The following NET1 variants were observed in gnomAD, a reference collection of about 807,000 sequenced individuals.
NET1 encodes neuroepithelial cell-transforming gene 1 protein.
NET1 carries 42 observed loss-of-function variants against 61.1 expected under a neutral mutation model. The observed-to-expected ratio is 0.69, with a 90% CI of 0.54 to 0.89. The LOEUF is 0.89. NET1 is among the 40% of genes least tolerant of loss of function. The pLI, the probability that NET1 is intolerant of heterozygous loss-of-function variation, is 0.00. For missense variants in NET1, 654 were observed against 747.3 expected (o/e 0.88, Z 1.46); for synonymous variants, 254 against 281.8 (o/e 0.90, Z 0.99).
chr10:5,429,162 T>C lies in NET1; in HGVS notation c.196-8T>C. Reference sequence around the variant, plus strand: ...TATATGAGAATGAAATCTCTATTTTTCTTTTAGAAAAGAAAACGCAGAGAG... The same window carrying C: ...TATATGAGAATGAAATCTCTATTTTCCTTTTAGAAAAGAAAACGCAGAGAG... On this transcript the variant is annotated splice_region_variant and splice_polypyrimidine_tract_variant and intron_variant, in intron 2 of 11. Coordinates refer to ENST00000355029, the MANE Select transcript of NET1 (RefSeq NM_001047160.3). 6.3e-7 allele frequency: 1 copy of C among 1,598,820 alleles called. No homozygotes were observed. Among genetic ancestry groups the C allele is most frequent in the Non-Finnish European group, 8.6e-7 (1 of 1,168,626 alleles).
intron 1 of NET1, among the ~76,000 whole-genome samples, chr10:5,425,345 G>C (rs1345315533): frequency 6.6e-6 from 1 of 152,110 alleles, no homozygotes; most frequent in Non-Finnish European, 1.5e-5. Flanking sequence ...GTTTAAGCTT[G>C]TACATTTTTG....
At position 5,452,209 on chromosome 10, in the gene NET1, G is replaced by T; in HGVS notation, c.364-149G>T. The T allele has an allele frequency of 5.4e-6, 4 of 745,820 alleles. No homozygotes were observed. The highest frequency in any genetic ancestry group is 2.8e-5 in the South Asian group (1 of 35,362). 46.2% of individuals were successfully genotyped at this position (745,820 alleles called of 1,614,324 possible). ...TTTTAGCTGATAAATATTTAAGATT[G>T]GTAGGTGGAAACTTGGATAAATTAT... is the stretch of plus-strand genomic sequence containing the variant. On this transcript the variant is annotated intron_variant, in intron 4 of 11. Transcript: ENST00000355029. The surrounding 1 kb of genome is among the most constrained non-coding windows in gnomAD (Gnocchi z 4.0).
Position 5,456,575 on chromosome 10 carries a change from T to C in NET1, c.1385-13T>C, listed in dbSNP as rs759134085. The C allele has an allele frequency of 1.5e-4, 214 of 1,430,212 alleles. 1 individual carries two copies. Among genetic ancestry groups the C allele is most frequent in the Non-Finnish European group, 9.9e-5 (106 of 1,069,260 alleles). The allele number at this position is 1,430,212 out of a possible 1,614,324, so 88.6% of individuals were successfully genotyped here. A position where few individuals can be genotyped will look rare whatever the true frequency, so the allele number is the denominator to read the frequency against. Reference sequence around the variant, plus strand: ...AGCCTGATTTCTTTTTTTTTTCCAATTTTTTTTTTCAGCTAAAAATATCTT... The same window carrying C: ...AGCCTGATTTCTTTTTTTTTTCCAACTTTTTTTTTCAGCTAAAAATATCTT... On this transcript the variant is annotated splice_polypyrimidine_tract_variant and intron_variant, in intron 11 of 11. Transcript: ENST00000355029. This position sits in a 1 kb window ranked among gnomAD's most constrained non-coding sequence, Gnocchi z 7.0.
chr10:5,445,155 C>A (rs1832586053), intron 3 of NET1, among the ~76,000 whole-genome samples: 1 of 152,216 alleles, frequency 6.6e-6, no homozygotes, highest in Non-Finnish European at 1.5e-5. Flanking sequence ...TCCATCTGTT[C>A]CATCTTTACG....
rs991976469 is a variant in NET1 at position 5,452,965 on chromosome 10, A to G, written c.594+45A>G. On this transcript the variant is annotated intron_variant, in intron 6 of 11. Coordinates refer to ENST00000355029, the MANE Select transcript of NET1 (RefSeq NM_001047160.3). The surrounding 1 kb of genome is among the most constrained non-coding windows in gnomAD (Gnocchi z 4.0). Reference sequence around the variant, plus strand: ...TCAGATGCCCTAGTTTTTAAAAATTACATTTCACAAAATCTAAAGGATAGT... The same window carrying G: ...TCAGATGCCCTAGTTTTTAAAAATTGCATTTCACAAAATCTAAAGGATAGT... 10 of 1,255,682 alleles carry G rather than the reference A, an allele frequency of 8.0e-6. No individual in the cohort carries two copies. The Admixed American group carries it at 1.6e-4, about 20-fold the overall frequency. The allele number at this position is 1,255,682 out of a possible 1,614,324, so 77.8% of individuals were successfully genotyped here. A position where few individuals can be genotyped will look rare whatever the true frequency, so the allele number is the denominator to read the frequency against.
chr10:5,450,044 C>T (rs1832679595), intron 3 of NET1, among the ~76,000 whole-genome samples: 1 of 140,370 alleles, frequency 7.1e-6, no homozygotes, highest in South Asian at 2.2e-4. Context: ...AATGCCTGTG[C>T]TGGCCCCTGC....
chr10:5,446,628 C>G lies in NET1; in HGVS notation c.256-5202C>G. The G allele has an allele frequency of 7.9e-7, 1 of 1,270,272 alleles. No individual in the cohort carries two copies. Among genetic ancestry groups the G allele is most frequent in the Non-Finnish European group, 1.0e-6 (1 of 1,004,372 alleles). The allele number at this position is 1,270,272 out of a possible 1,614,324, so 78.7% of individuals were successfully genotyped here. Reference sequence around the variant, plus strand: ...GCTCTCAGAAGCCTCTGCTCCACCGCGGCGAGAGGCATGGGCACGTGGCTG... The same window carrying G: ...GCTCTCAGAAGCCTCTGCTCCACCGGGGCGAGAGGCATGGGCACGTGGCTG... On this transcript the variant is annotated intron_variant, in intron 3 of 11. Transcript: ENST00000355029. This position sits in a 1 kb window ranked among gnomAD's most constrained non-coding sequence, Gnocchi z 5.0.
rs2119181005 is a variant in NET1, at chr10:5,431,374, T to G, written c.255+2145T>G. 6.6e-6 allele frequency among the ~76,000 whole-genome samples: 1 copy of G among 152,344 alleles called. No individual in the cohort carries two copies. The highest frequency in any genetic ancestry group is 2.1e-4 in the South Asian group (1 of 4,824). ...TTTCTGACAAGTTGGTAATTAGATC[T>G]AGAGAGCTGATCCAGTGTGGGTTTT... is the stretch of plus-strand genomic sequence containing the variant. On this transcript the variant is annotated intron_variant, in intron 3 of 11. Coordinates refer to ENST00000355029, the MANE Select transcript of NET1 (RefSeq NM_001047160.3). The surrounding 1 kb of genome is among the most constrained non-coding windows in gnomAD (Gnocchi z 4.9).
chr10:5,442,528 T>C (rs185230792), intron 3 of NET1, among the ~76,000 whole-genome samples: 302 of 152,292 alleles, frequency 2.0e-3, no homozygotes, highest in Non-Finnish European at 3.0e-3. Flanking sequence ...TTATAAATTC[T>C]AGATGTTCTA....
In NET1 at chr10:5,444,475, T is replaced by G. The variant is rs1372611461; in HGVS notation, c.256-7355T>G. On this transcript the variant is annotated intron_variant, in intron 3 of 11. Transcript: ENST00000355029. This position sits in a 1 kb window ranked among gnomAD's most constrained non-coding sequence, Gnocchi z 5.3. ...CCCTGTAATTTGCCTCTGTCTTTACTCCACTGAAATAGCACACTTGAGATC... is the reference window on the plus strand; with the variant it reads ...CCCTGTAATTTGCCTCTGTCTTTACGCCACTGAAATAGCACACTTGAGATC... Among the ~76,000 whole-genome samples, 2 of 152,234 alleles carry G rather than the reference T, an allele frequency of 1.3e-5. No homozygotes were observed.
chr10:5,456,398 GT>G lies in NET1; in HGVS notation c.1384+127del. ...GTCCTATACTTGTTACATCCATTGAGTTGTCCAGGCCTTCCCAGCTCGAACA... is the reference window on the plus strand; with the variant it reads ...GTCCTATACTTGTTACATCCATTGAGTGTCCAGGCCTTCCCAGCTCGAACA... On this transcript the variant is annotated intron_variant, in intron 11 of 11. Transcript: ENST00000355029. This position sits in a 1 kb window ranked among gnomAD's most constrained non-coding sequence, Gnocchi z 7.0. The G allele has an allele frequency of 9.0e-7, 1 of 1,113,478 alleles. No individual in the cohort carries two copies. Among genetic ancestry groups the G allele is most frequent in the South Asian group, 1.7e-5 (1 of 58,898 alleles). 69.0% of individuals were successfully genotyped at this position (1,113,478 alleles called of 1,614,324 possible). A position where few individuals can be genotyped will look rare whatever the true frequency, so the allele number is the denominator to read the frequency against.
chr10:5,453,041 A>C lies in NET1; in HGVS notation c.594+121A>C, dbSNP rs191339938. On this transcript the variant is annotated intron_variant, in intron 6 of 11. Coordinates refer to ENST00000355029, the MANE Select transcript of NET1 (RefSeq NM_001047160.3). The surrounding 1 kb of genome is among the most constrained non-coding windows in gnomAD (Gnocchi z 4.9). ...ATAGAAAATATCTACTGGTGAATACATTTTTTTTAGGTGAGGTCTAGACAC... is the reference window on the plus strand; with the variant it reads ...ATAGAAAATATCTACTGGTGAATACCTTTTTTTTAGGTGAGGTCTAGACAC... 1.3e-6 allele frequency: 1 copy of C among 786,190 alleles called. No homozygotes were observed. Among genetic ancestry groups the C allele is most frequent in the East Asian group, 2.5e-5 (1 of 39,706 alleles). 48.7% of individuals were successfully genotyped at this position (786,190 alleles called of 1,614,324 possible). A position where few individuals can be genotyped will look rare whatever the true frequency, so the allele number is the denominator to read the frequency against.
intron 3 of NET1, among the ~76,000 whole-genome samples, chr10:5,434,153 G>A (rs978026604): frequency 1.3e-5 from 2 of 152,182 alleles, no homozygotes; most frequent in African/African-American, 4.8e-5. Flanking sequence ...TATGGTGAGA[G>A]GAATAGGCCA....
chr10:5,442,948 T>C (rs1173524904), intron 3 of NET1, among the ~76,000 whole-genome samples: 1 of 152,176 alleles, frequency 6.6e-6, no homozygotes, highest in East Asian at 1.9e-4. Context: ...TTTATTATCT[T>C]TTTACCTACC....
Position 5,431,625 on chromosome 10 carries a change from C to T in NET1, c.255+2396C>T, listed in dbSNP as rs10904499. Among the ~76,000 whole-genome samples the T allele has an allele frequency of 0.25, 37,604 of 151,996 alleles. 4,927 individuals are homozygous for T. The highest frequency in any genetic ancestry group is 0.29 in the Non-Finnish European group (19,404 of 67,948). ...ATTTATAATAAAAGCAGAACAAGTG[C>T]TTGATTCTTTTCCTTTGTCAGTTTT... On this transcript the variant is annotated intron_variant, in intron 3 of 11. Coordinates refer to ENST00000355029, the MANE Select transcript of NET1 (RefSeq NM_001047160.3). This position sits in a 1 kb window ranked among gnomAD's most constrained non-coding sequence, Gnocchi z 4.9.
In NET1 at chr10:5,432,118, G is replaced by A. The variant is rs138764944; in HGVS notation, c.255+2889G>A. Among the ~76,000 whole-genome samples, 517 of 152,246 alleles carry A rather than the reference G, an allele frequency of 3.4e-3. 1 individual carries two copies. Among genetic ancestry groups the A allele is most frequent in the Non-Finnish European group, 5.6e-3 (384 of 68,012 alleles). On this transcript the variant is annotated intron_variant, in intron 3 of 11. Transcript: ENST00000355029. ...TTCTAAAAGGAGTCTGGTTGCTTTGGGAAATGGTAGAGGCTAAAATCTGGG... is the reference window on the plus strand; with the variant it reads ...TTCTAAAAGGAGTCTGGTTGCTTTGAGAAATGGTAGAGGCTAAAATCTGGG...
At chr10:5,425,114 C>T (rs1333973702) in intron 1 of NET1, among the ~76,000 whole-genome samples, 2 of 152,176 alleles carry the variant, frequency 1.3e-5, no homozygotes, top group African/African-American at 4.8e-5. Flanking sequence ...TAACTCATTT[C>T]ACTCCACCTT....
rs558860952 is a variant in NET1 at position 5,429,059 on chromosome 10, G to C, written c.196-111G>C. 126 of 778,070 alleles carry C rather than the reference G, an allele frequency of 1.6e-4. 1 individual carries two copies. In the South Asian group the frequency reaches 2.4e-3, roughly 15 times the overall value. The allele number at this position is 778,070 out of a possible 1,614,324, so 48.2% of individuals were successfully genotyped here. Reference sequence around the variant, plus strand: ...TCAAAGTAATTTTCTTGTGACTATAGCCAAAGGCTTAACTTTTTTAAATTG... The same window carrying C: ...TCAAAGTAATTTTCTTGTGACTATACCCAAAGGCTTAACTTTTTTAAATTG... On this transcript the variant is annotated intron_variant, in intron 2 of 11. Coordinates refer to ENST00000355029, the MANE Select transcript of NET1 (RefSeq NM_001047160.3).
Position 5,416,364 on chromosome 10 carries a change from G to T in NET1, c.128+3544G>T, listed in dbSNP as rs1026225983. On this transcript the variant is annotated intron_variant, in intron 1 of 11. Transcript: ENST00000355029. The surrounding 1 kb of genome is among the most constrained non-coding windows in gnomAD (Gnocchi z 6.1). ...ACTTTGTTCTTTTTTTCCCAAGATT[G>T]TTGTGGCTATCCTGGGTCTCCTGCA... Among the ~76,000 whole-genome samples, 1 of 152,126 alleles carries T rather than the reference G, an allele frequency of 6.6e-6. No individual in the cohort carries two copies. The highest frequency in any genetic ancestry group is 2.4e-5 in the African/African-American group (1 of 41,430).
Sources: gnomAD v4.1 joint callset for allele counts (sites outside exome capture counted in the v4.1 genomes callset) on GRCh38, gnomAD v4.1.1 for gene constraint, Gnocchi (gnomAD v3.1) non-coding constraint, MANE v1.5 for transcripts, NCBI Gene and HGNC (gene_info 2026-07-23, HGNC 2026-07-21) for gene names.